ITGA1: variants seen among roughly 807,000 people sequenced by gnomAD.
ITGA1 encodes integrin subunit alpha 1, also known as integrin alpha-1.
ITGA1 carries 85 observed loss-of-function variants against 145.9 expected under a neutral mutation model. That is an observed-to-expected ratio of 0.58 (90% confidence interval 0.49 to 0.70). ITGA1 has a LOEUF of 0.70. Among genes scored for constraint, ITGA1 ranks in the 30% least tolerant of loss-of-function variants. ITGA1 has a pLI of 0.00. For missense variants in ITGA1, 1,351 were observed against 1,418.7 expected, an observed-to-expected ratio of 0.95 and a Z score of 0.77; for synonymous variants, 520 against 495.3, an observed-to-expected ratio of 1.05 and a Z score of -0.66.
At chr5:52,808,650 C>CT (rs1347314668) in intron 1 of ITGA1, among the ~76,000 whole-genome samples, 1 of 80,766 alleles carries the variant, frequency 1.2e-5, no homozygotes, top group Admixed American at 1.2e-4. Context: ...TGGTATAATT[C>CT]TTTTTTTCTT....
chr5:52,831,754 T>C (rs1580052251), intron 1 of ITGA1, among the ~76,000 whole-genome samples: 2 of 20,886 alleles, frequency 9.6e-5, no homozygotes, highest in East Asian at 8.0e-4. Context: ...ACCTTCTACC[T>C]TTCCTTTCAC....
intron 16 of ITGA1, 124 bp downstream of exon 16, chr5:52,919,022 G>T (rs962668129): frequency 2.4e-6 from 2 of 820,206 alleles, no homozygotes; most frequent in Admixed American, 3.2e-5. Context: ...ATTTGCCCCA[G>T]TGAAGATGCA....
At chr5:52,791,606 C>A (rs973946293) in intron 1 of ITGA1, among the ~76,000 whole-genome samples, 1 of 152,192 alleles carries the variant, frequency 6.6e-6, no homozygotes, top group Non-Finnish European at 1.5e-5. Flanking sequence ...ATAGCTAGCA[C>A]AACTTAACCC....
rs775380210 is a variant in ITGA1, at chr5:52,864,832, A to G, written c.365A>G (p.Asn122Ser). The G allele has an allele frequency of 1.9e-6, 3 of 1,610,528 alleles. No individual in the cohort carries two copies. The highest frequency in any genetic ancestry group is 1.7e-5 in the Admixed American group (1 of 59,978). Reference sequence around the variant, plus strand: ...ACATTTGGATCAACTTTAGTCACCAACCCAAATGGAGGATTTCTGGTAAGA... The same window carrying G: ...ACATTTGGATCAACTTTAGTCACCAGCCCAAATGGAGGATTTCTGGTAAGA... ...NMTFGSTLVTNPNGGFLACGP... is the reference protein window; with the variant it reads ...NMTFGSTLVTSPNGGFLACGP... The change falls in exon 4 of 29, where the codon AAC (asparagine) becomes AGC (serine). Residue 122 changes from asparagine (N) to serine (S), a missense_variant. Transcript: ENST00000282588.
intron 26 of ITGA1, 25 bp from the exon 27 acceptor site, chr5:52,944,918 A>G (rs1184849228): frequency 6.7e-7 from 1 of 1,492,958 alleles, no homozygotes; most frequent in Admixed American, 1.7e-5. Context: ...TCATATATTA[A>G]GAACAAATCC....
At chr5:52,837,343 T>C (rs1749175613) in intron 1 of ITGA1, among the ~76,000 whole-genome samples, 1 of 152,076 alleles carries the variant, frequency 6.6e-6, no homozygotes, top group African/African-American at 2.4e-5. Context: ...CCTTCCAGAC[T>C]CACCAATCAA....
Position 52,932,060 on chromosome 5 carries a change from C to A in ITGA1, c.2785C>A (p.Pro929Thr), listed in dbSNP as rs1223725043. The stretch of plus-strand genomic sequence containing the variant: ...TGTATTTTCTAGTGACAGCGAAGAA[C>A]CTCCTGAAACCCTTTCTGATAATGT... The part of the protein sequence containing the change: ...YLSATSDSEE[P>T]PETLSDNVVN... Residue 929 changes from proline to threonine, a missense_variant, in exon 22 of 29, where the codon CCT becomes ACT. By Grantham distance (38) the Pro-to-Thr change is conservative. Transcript: ENST00000282588. 2 of 1,604,378 alleles carry A rather than the reference C, an allele frequency of 1.2e-6. No homozygotes were observed. The highest frequency in any genetic ancestry group is 1.7e-6 in the Non-Finnish European group (2 of 1,171,750).
At chr5:52,800,242 G>C in intron 1 of ITGA1, 1 of 712,672 alleles carries the variant, frequency 1.4e-6, no homozygotes, top group Non-Finnish European at 2.3e-6. Flanking sequence ...GGCTGCATGA[G>C]TCGAAGCAAG....
chr5:52,938,985 C>G (rs1751012803), intron 24 of ITGA1, among the ~76,000 whole-genome samples: 1 of 152,054 alleles, frequency 6.6e-6, no homozygotes, highest in Non-Finnish European at 1.5e-5. Context: ...TTACTGCAAC[C>G]TCCTCCTCCC....
At chr5:52,947,668 CTTATT>C (rs1271856525) in intron 28 of ITGA1, among the ~76,000 whole-genome samples, 2 of 152,180 alleles carry the variant, frequency 1.3e-5, no homozygotes, top group South Asian at 2.1e-4. Context: ...GGAAAAAAAA[CTTATT>C]TTAAGTTAGA....
chr5:52,897,971 G>T (rs1345138315), intron 10 of ITGA1, among the ~76,000 whole-genome samples: 1 of 152,064 alleles, frequency 6.6e-6, no homozygotes, highest in Non-Finnish European at 1.5e-5. Context: ...GAAAGAAAAG[G>T]CATAATGGTC....
intron 1 of ITGA1, chr5:52,800,014 C>G (rs895164104): frequency 1.4e-5 from 4 of 279,372 alleles, no homozygotes; most frequent in African/African-American, 6.7e-5. Context: ...CGCCTGCGCA[C>G]GCGCGAACTG....
At chr5:52,796,578 G>A (rs1037889644) in intron 1 of ITGA1, among the ~76,000 whole-genome samples, 2 of 152,078 alleles carry the variant, frequency 1.3e-5, no homozygotes, top group East Asian at 1.9e-4. Context: ...ATTATTAAGT[G>A]AAATACAGTC....
At chr5:52,812,504 A>G (rs1193704652) in intron 1 of ITGA1, among the ~76,000 whole-genome samples, 1 of 152,204 alleles carries the variant, frequency 6.6e-6, no homozygotes, top group Non-Finnish European at 1.5e-5. Context: ...AGGAGATGGT[A>G]CTTGGATCTG....
intron 12 of ITGA1, among the ~76,000 whole-genome samples, chr5:52,908,240 T>C (rs1750441695): frequency 6.6e-6 from 1 of 152,168 alleles, no homozygotes; most frequent in Non-Finnish European, 1.5e-5. Context: ...GTTAAGAGCA[T>C]CAAATATTAA....
At chr5:52,882,998 A>G (rs1749982852) in intron 7 of ITGA1, 1 of 152,230 alleles carries the variant, frequency 6.6e-6, no homozygotes, top group Non-Finnish European at 1.5e-5. Context: ...AAAATTTTAT[A>G]ATTTCATGTA....
chr5:52,796,241 C>T (rs1748339287), intron 1 of ITGA1, among the ~76,000 whole-genome samples: 1 of 151,796 alleles, frequency 6.6e-6, no homozygotes, highest in Non-Finnish European at 1.5e-5. Flanking sequence ...TGACTTCTAG[C>T]CCAGTTCTCT....
chr5:52,862,243 A>G (rs1010618716), intron 3 of ITGA1, among the ~76,000 whole-genome samples: 3 of 151,940 alleles, frequency 2.0e-5, no homozygotes, highest in East Asian at 1.9e-4. Flanking sequence ...AAAGAAAAGA[A>G]AAAAAACAGA....
intron 22 of ITGA1, 24 bp downstream of exon 22, chr5:52,932,160 G>C (rs764353779): frequency 7.2e-7 from 1 of 1,387,012 alleles, no homozygotes; most frequent in Non-Finnish European, 1.0e-6. Context: ...ACATTTTTAT[G>C]TGGATGCCTT....
Sources: gnomAD v4.1 joint callset for allele counts (sites outside exome capture counted in the v4.1 genomes callset) on GRCh38, gnomAD v4.1.1 for gene constraint, MANE v1.5 for transcripts, NCBI Gene and HGNC (gene_info 2026-07-23, HGNC 2026-07-21) for gene names.